The following DOCK8 variants were observed in gnomAD, a reference collection of about 807,000 sequenced individuals.
The protein encoded by DOCK8 is dedicator of cytokinesis 8, also known as dedicator of cytokinesis protein 8.
A neutral mutation model predicts 245.6 loss-of-function variants in DOCK8; 141 were observed. That is an observed-to-expected ratio of 0.57 (90% CI 0.50 to 0.66). The LOEUF is 0.66. Among genes scored for constraint, DOCK8 ranks in the 30% least tolerant of loss-of-function variants. DOCK8 has a pLI of 0.00. For synonymous variants in DOCK8, 1,168 were observed against 970.2 expected (o/e 1.20, Z -3.79); for missense variants, 2,965 against 2,603.4 (o/e 1.14, Z -3.02).
At chr9:273,985 C>T (rs903829360) in intron 2 of DOCK8, among the ~76,000 whole-genome samples, 5 of 152,148 alleles carry the variant, frequency 3.3e-5, no homozygotes, top group Admixed American at 6.5e-5. Flanking sequence ...GGATTACGAG[C>T]ATGAGCCACC....
chr9:447,941 G>C (rs2057315280), intron 44 of DOCK8, among the ~76,000 whole-genome samples: 1 of 152,198 alleles, frequency 6.6e-6, no homozygotes, highest in Admixed American at 6.5e-5. Context: ...TCTTGGTTTG[G>C]ACTTTTGAAC....
chr9:376,615 T>C (rs1403904993), intron 19 of DOCK8, among the ~76,000 whole-genome samples: 1 of 152,186 alleles, frequency 6.6e-6, no homozygotes, highest in Non-Finnish European at 1.5e-5. Flanking sequence ...TCTGCCACTT[T>C]GCCAGCTTTT....
chr9:421,130 T>G (rs1477992842), intron 32 of DOCK8, 52 bp downstream of exon 32: 1 of 1,611,688 alleles, frequency 6.2e-7, no homozygotes, highest in Non-Finnish European at 8.5e-7. Flanking sequence ...TTTCACTGTT[T>G]GTGGGGAGGA....
Position 325,769 on chromosome 9 carries a change from G to T in DOCK8, c.894+32G>T, listed in dbSNP as rs1273533715. 7 of 1,556,178 alleles carry T rather than the reference G, an allele frequency of 4.5e-6. No individual in the cohort carries two copies. In the African/African-American group the frequency reaches 5.4e-5, roughly 12 times the overall value. On this transcript the variant is annotated intron_variant, in intron 8 of 47. Coordinates refer to ENST00000432829, the MANE Select transcript of DOCK8 (RefSeq NM_203447.4). ...AAGCAAAGAAAAATCCATCCCTAAG[G>T]CACATATATTGTTCATGATTCTTTG...
At chr9:396,269 T>G (rs2054450129) in intron 24 of DOCK8, among the ~76,000 whole-genome samples, 1 of 152,158 alleles carries the variant, frequency 6.6e-6, no homozygotes, top group African/African-American at 2.4e-5. Context: ...TATAGAACTG[T>G]TTCTGGAAAA....
intron 2 of DOCK8, among the ~76,000 whole-genome samples, chr9:283,346 A>G (rs2048670964): frequency 6.6e-6 from 1 of 152,236 alleles, no homozygotes; most frequent in African/African-American, 2.4e-5. Context: ...AAAATTCCAC[A>G]CCTGACCTCA....
intron 12 of DOCK8, among the ~76,000 whole-genome samples, chr9:338,123 C>T (rs982380544): frequency 2.6e-5 from 4 of 151,500 alleles, no homozygotes; most frequent in South Asian, 4.2e-4. Context: ...CACTGCACTC[C>T]AGCCTGGGTG....
chr9:400,680 TCACCACCACCTCCAC>T, intron 26 of DOCK8, among the ~76,000 whole-genome samples: 1 of 20,878 alleles, frequency 4.8e-5, no homozygotes, highest in East Asian at 2.1e-3. Flanking sequence ...ATCTTCACCA[TCACCACCACCTCCAC>T]CACCACCACC....
At chr9:237,930 C>G (rs1196110269) in intron 1 of DOCK8, among the ~76,000 whole-genome samples, 2 of 152,118 alleles carry the variant, frequency 1.3e-5, no homozygotes, top group Non-Finnish European at 2.9e-5. Flanking sequence ...TGTTCCTGGT[C>G]TGGCAGATGA....
chr9:433,194 G>C (rs1056931653), intron 37 of DOCK8, among the ~76,000 whole-genome samples: 4 of 152,090 alleles, frequency 2.6e-5, no homozygotes, highest in African/African-American at 7.2e-5. Context: ...TCACCAACAA[G>C]ACCAATCAAA....
At position 379,947 on chromosome 9, in the gene DOCK8, C is replaced by A. The variant is rs1563986542; in HGVS notation, c.2605+12C>A. On this transcript the variant is annotated intron_variant, in intron 21 of 47. Coordinates refer to ENST00000432829, the MANE Select transcript of DOCK8 (RefSeq NM_203447.4). The stretch of plus-strand genomic sequence containing the variant: ...TGTGCCCAAGTCAGGTAGAGTTGCC[C>A]TGAGTGTGGGACTCTGGTGGGCGGG... 3.1e-6 allele frequency: 5 copies of A among 1,612,996 alleles called. No individual in the cohort carries two copies. The highest frequency in any genetic ancestry group is 4.2e-6 in the Non-Finnish European group (5 of 1,179,778).
chr9:214,404 G>T, upstream of DOCK8: 1 of 1,098,902 alleles, frequency 9.1e-7, no homozygotes, highest in Non-Finnish European at 1.3e-6. Context: ...TGGGCATATT[G>T]CTTGCAAAAG....
chr9:372,092 G>A lies in DOCK8; in HGVS notation c.2008-93G>A, dbSNP rs57782736. The A allele has an allele frequency of 7.8e-3, 8,724 of 1,114,114 alleles. 473 individuals carry two copies. The African/African-American group carries it at 0.11, about 15-fold the overall frequency. 69.0% of individuals were successfully genotyped at this position (1,114,114 alleles called of 1,614,324 possible). A position where few individuals can be genotyped will look rare whatever the true frequency, so the allele number is the denominator to read the frequency against. On this transcript the variant is annotated intron_variant, in intron 17 of 47. Coordinates refer to ENST00000432829, the MANE Select transcript of DOCK8 (RefSeq NM_203447.4). ...GAGTACTGGTCAATATCTACTCACT[G>A]TTTAGTTGCATTTGATTATTGCGAG...
rs752345254 is a variant in DOCK8 at position 404,980 on chromosome 9, C to T, written c.3297C>T (p.Ile1099=). The change falls in exon 27 of 48, where the codon ATC becomes ATT. Residue 1099 remains isoleucine (I), a synonymous_variant. Transcript: ENST00000432829. Reference sequence around the variant, plus strand: ...CCATGAGGCTAGAGTTCCTGAGAATCCTCTGTAGCCATGAGCATTACCTCA... The same window carrying T: ...CCATGAGGCTAGAGTTCCTGAGAATTCTCTGTAGCCATGAGCATTACCTCA... ...LISMRLEFLR[I]LCSHEHYLNL... The T allele has an allele frequency of 1.2e-6, 2 of 1,614,026 alleles. No homozygotes were observed. The highest frequency in any genetic ancestry group is 1.7e-5 in the Admixed American group (1 of 60,016).
intron 1 of DOCK8, among the ~76,000 whole-genome samples, chr9:266,949 C>T (rs1739749194): frequency 6.6e-6 from 1 of 152,182 alleles, no homozygotes; most frequent in Admixed American, 6.5e-5. Flanking sequence ...ATAAAACCCA[C>T]ACACAGTACC....
At chr9:422,983 TC>T (rs1564049439) in intron 33 of DOCK8, among the ~76,000 whole-genome samples, 1 of 68,190 alleles carries the variant, frequency 1.5e-5, no homozygotes. Context: ...AGACTCCATC[TC>T]AAAAAAAAAA....
intron 7 of DOCK8, among the ~76,000 whole-genome samples, chr9:317,711 G>C (rs1444657626): frequency 6.6e-6 from 1 of 152,118 alleles, no homozygotes; most frequent in Non-Finnish European, 1.5e-5. Flanking sequence ...ATGTTAAGGG[G>C]GCACTCACTG....
intron 10 of DOCK8, 78 bp from the exon 11 acceptor site, chr9:334,147 G>T: frequency 2.0e-6 from 3 of 1,526,066 alleles, no homozygotes; most frequent in Non-Finnish European, 2.7e-6. Flanking sequence ...TTTTGGAGAT[G>T]GCTGTCATAT....
chr9:447,031 G>T (rs1192333638), intron 44 of DOCK8, among the ~76,000 whole-genome samples: 1 of 152,172 alleles, frequency 6.6e-6, no homozygotes, highest in Non-Finnish European at 1.5e-5. Context: ...CAGCCCCAGT[G>T]AGGCGGTGGT....
Sources: gnomAD v4.1 joint callset for allele counts (sites outside exome capture counted in the v4.1 genomes callset) on GRCh38, gnomAD v4.1.1 for gene constraint, MANE v1.5 for transcripts, NCBI Gene and HGNC (gene_info 2026-07-23, HGNC 2026-07-21) for gene names.